SYNE2: variants seen among roughly 807,000 people sequenced by gnomAD.
SYNE2 encodes the protein nesprin-2.
Under a neutral mutation model 856.3 loss-of-function variants are expected in SYNE2, and 431 were observed. That is an observed-to-expected ratio of 0.50 (90% confidence interval 0.47 to 0.55). SYNE2 has a LOEUF of 0.55. SYNE2 is among the 20% of genes least tolerant of loss of function. The pLI is 0.00. For missense variants in SYNE2, 8,129 were observed against 8,023.2 expected, an observed-to-expected ratio of 1.01 and a Z score of -0.50; for synonymous variants, 2,923 against 2,872.3, an observed-to-expected ratio of 1.02 and a Z score of -0.56.
At chr14:63,964,560 C>T (rs1284208498) in intron 10 of SYNE2, among the ~76,000 whole-genome samples, 1 of 151,912 alleles carries the variant, frequency 6.6e-6, no homozygotes, top group African/African-American at 2.4e-5. Context: ...GTTTTGCTCT[C>T]GTTGCCTAGT....
chr14:63,763,401 CT>C (rs889329250), intron 1 of SYNE2, among the ~76,000 whole-genome samples: 70 of 149,798 alleles, frequency 4.7e-4, no homozygotes, highest in Admixed American at 2.6e-3. Context: ...ATTTTGTTTA[CT>C]TTTTTTTTTC....
At chr14:63,938,087 A>G (rs2095855073) in intron 2 of SYNE2, among the ~76,000 whole-genome samples, 1 of 152,136 alleles carries the variant, frequency 6.6e-6, no homozygotes, top group Non-Finnish European at 1.5e-5. Context: ...GCAGAAGACA[A>G]GTGTATTGGA....
Position 63,976,571 on chromosome 14 carries a change from A to T in SYNE2, c.1137A>T (p.Ala379=). 6.4e-7 allele frequency: 1 copy of T among 1,564,096 alleles called. No individual in the cohort carries two copies. Among genetic ancestry groups the T allele is most frequent in the South Asian group, 1.1e-5 (1 of 87,840 alleles). Residue 379 remains alanine (A), a synonymous_variant, in exon 12 of 116, where the codon GCA becomes GCT. Transcript: ENST00000555002. ...AWDGLDHQIN[A]WKIKLNYALP... ...TTTTTTTTTTTTTTCAGATTAATGC[A>T]TGGAAAATAAAGCTAAATTATGCCT...
chr14:63,789,152 G>A (rs1379875882), intron 1 of SYNE2, among the ~76,000 whole-genome samples: 7 of 152,122 alleles, frequency 4.6e-5, no homozygotes, highest in Non-Finnish European at 8.8e-5. Flanking sequence ...CTCCTTTCAA[G>A]AGGTTCTGAT....
intron 1 of SYNE2, among the ~76,000 whole-genome samples, chr14:63,802,840 G>A (rs1167772720): frequency 6.6e-6 from 1 of 152,090 alleles, no homozygotes; most frequent in African/African-American, 2.4e-5. Flanking sequence ...CGTGTCTGGA[G>A]TTGTTCGTTC....
intron 45 of SYNE2, among the ~76,000 whole-genome samples, chr14:64,044,773 C>T (rs1054118367): frequency 3.4e-4 from 52 of 152,056 alleles, no homozygotes; most frequent in Non-Finnish European, 7.1e-4. Context: ...TTCTGCCTGC[C>T]GCCATTCATG....
chr14:64,153,974 A>G (rs1027034621), intron 85 of SYNE2, among the ~76,000 whole-genome samples: 1 of 152,174 alleles, frequency 6.6e-6, no homozygotes, highest in South Asian at 2.1e-4. Context: ...ATGTATCCAC[A>G]TGTAAAATAA....
At chr14:64,128,941 G>C (rs986312019) in intron 74 of SYNE2, among the ~76,000 whole-genome samples, 1 of 152,196 alleles carries the variant, frequency 6.6e-6, no homozygotes, top group Admixed American at 6.5e-5. Context: ...ATTAATTGAG[G>C]ATCCACTATG....
intron 98 of SYNE2, 79 bp from the exon 99 acceptor site, chr14:64,189,992 G>T: frequency 2.0e-6 from 3 of 1,467,248 alleles, no homozygotes; most frequent in Non-Finnish European, 2.8e-6. Context: ...AATTTCAAGA[G>T]GTAACTCTAT....
chr14:63,777,578 C>A (rs61184877), intron 1 of SYNE2, among the ~76,000 whole-genome samples: 65,098 of 152,006 alleles, frequency 0.43, 15,595 homozygotes, highest in South Asian at 0.63. Context: ...TTTGAAGACT[C>A]ACAGAAGATA....
At chr14:64,222,911 CCA>C (rs1160984143) in intron 112 of SYNE2, among the ~76,000 whole-genome samples, 1 of 152,148 alleles carries the variant, frequency 6.6e-6, no homozygotes, top group Non-Finnish European at 1.5e-5. Flanking sequence ...CCTGGTCTTC[CCA>C]CACCACTTGC....
intron 2 of SYNE2, among the ~76,000 whole-genome samples, chr14:63,913,543 A>G (rs1252332698): frequency 1.3e-5 from 2 of 149,034 alleles, no homozygotes; most frequent in Non-Finnish European, 3.0e-5. Context: ...GTTCACTGCA[A>G]CCTCCGCCTC....
chr14:64,211,167 TG>T (rs939837136), intron 103 of SYNE2, among the ~76,000 whole-genome samples: 2 of 152,040 alleles, frequency 1.3e-5, no homozygotes, highest in Non-Finnish European at 2.9e-5. Context: ...TTTGTGGAAA[TG>T]GGGTCTCACT....
At chr14:63,845,565 C>T (rs984531815) in intron 1 of SYNE2, among the ~76,000 whole-genome samples, 8 of 152,038 alleles carry the variant, frequency 5.3e-5, no homozygotes, top group African/African-American at 1.7e-4. Flanking sequence ...ATTGTTTCCT[C>T]AAATAATTGG....
At chr14:64,029,707 T>TG (rs2097015900) in intron 43 of SYNE2, among the ~76,000 whole-genome samples, 188 bp from the exon 44 acceptor site, 2 of 152,142 alleles carry the variant, frequency 1.3e-5, no homozygotes, top group East Asian at 1.9e-4. Context: ...GTCATTTTTT[T>TG]GCGGGGGAGA....
chr14:63,861,996 A>T (rs1384617815), intron 1 of SYNE2, among the ~76,000 whole-genome samples: 1 of 152,220 alleles, frequency 6.6e-6, no homozygotes, highest in Non-Finnish European at 1.5e-5. Flanking sequence ...AAATCCTGTC[A>T]ATCTGGTTTT....
chr14:64,215,343 A>C lies in SYNE2; in HGVS notation c.19391A>C (p.Lys6464Thr), dbSNP rs1555552449. The C allele has an allele frequency of 6.2e-7, 1 of 1,614,122 alleles. No individual in the cohort carries two copies. The highest frequency in any genetic ancestry group is 1.1e-5 in the South Asian group (1 of 91,074). The change falls in exon 107 of 116, where the codon AAA becomes ACA. Residue 6464 changes from lysine (K) to threonine (T), a missense_variant. Coordinates refer to ENST00000555002, the MANE Select transcript of SYNE2 (RefSeq NM_182914.3). ...AYLKMTTKTLKASSGKSISDG... is the reference protein window; with the variant it reads ...AYLKMTTKTLTASSGKSISDG... ...CTTAAAATGACCACAAAAACTTTGA[A>C]AGCGTCTTCTGGTAGGCCCCCGCCC...
At chr14:64,220,348 G>A in intron 110 of SYNE2, 89 bp from the exon 111 acceptor site, 2 of 1,418,194 alleles carry the variant, frequency 1.4e-6, no homozygotes, top group South Asian at 1.2e-5. Flanking sequence ...GGAAAAGTGT[G>A]TGGAAAATTT....
intron 68 of SYNE2, 64 bp from the exon 69 acceptor site, chr14:64,121,948 A>G: frequency 3.7e-6 from 6 of 1,604,074 alleles, no homozygotes; most frequent in Non-Finnish European, 4.3e-6. Flanking sequence ...TCAGCAGAGG[A>G]AACTAGTGGG....
Sources: gnomAD v4.1 joint callset for allele counts (sites outside exome capture counted in the v4.1 genomes callset) on GRCh38, gnomAD v4.1.1 for gene constraint, MANE v1.5 for transcripts, NCBI Gene and HGNC (gene_info 2026-07-23, HGNC 2026-07-21) for gene names.